The following FTCDNL1 variants were observed in gnomAD, a reference collection of about 807,000 sequenced individuals.
The protein encoded by FTCDNL1 is formiminotransferase cyclodeaminase N-terminal like.
A neutral mutation model predicts 5.9 loss-of-function variants in FTCDNL1; 11 were observed. That is an observed-to-expected ratio of 1.87 (90% CI 1.18 to 3.10). The LOEUF (loss-of-function observed/expected upper bound fraction) is 3.10, where lower values mean the gene tolerates loss of function less well. FTCDNL1 is among the 30% of genes most tolerant of loss of function. The probability of loss-of-function intolerance (pLI) is 0.00; values close to 1 mark genes in which losing one functional copy is unlikely to be tolerated. For missense variants in FTCDNL1, 115 were observed against 65.5 expected, an observed-to-expected ratio of 1.76 and a Z score of -2.61; for synonymous variants, 58 against 24.8, an observed-to-expected ratio of 2.34 and a Z score of -3.99.
chr2:199,743,503 G>A, the FTCDNL1 span, among the ~76,000 whole-genome samples: 8 of 152,178 alleles, frequency 5.3e-5, no homozygotes, highest in Admixed American at 1.3e-4. Flanking sequence ...TTCATTGAAC[G>A]TTTCTGCACT....
intron 3 of FTCDNL1, among the ~76,000 whole-genome samples, chr2:199,791,847 T>C (rs1433940123): frequency 6.6e-6 from 1 of 152,150 alleles, no homozygotes; most frequent in Non-Finnish European, 1.5e-5. Flanking sequence ...CAAATATATG[T>C]ATATGCATAT....
the FTCDNL1 span, among the ~76,000 whole-genome samples, chr2:199,721,992 A>G: frequency 2.0e-5 from 3 of 152,130 alleles, no homozygotes; most frequent in African/African-American, 7.2e-5. Flanking sequence ...TTTCTTATAA[A>G]TATATTTAAG....
intron 3 of FTCDNL1, among the ~76,000 whole-genome samples, chr2:199,835,956 G>A (rs1702706976): frequency 6.6e-6 from 1 of 152,092 alleles, no homozygotes; most frequent in African/African-American, 2.4e-5. Flanking sequence ...TTAACACTGA[G>A]TGTCTTAAGA....
chr2:199,749,542 C>A, the FTCDNL1 span, among the ~76,000 whole-genome samples: 1 of 53,408 alleles, frequency 1.9e-5, no homozygotes, highest in Non-Finnish European at 7.7e-5. Flanking sequence ...CCATCTCCCC[C>A]TAAAAAAAAA....
At chr2:199,721,874 CA>C in the FTCDNL1 span, among the ~76,000 whole-genome samples, 1 of 152,136 alleles carries the variant, frequency 6.6e-6, no homozygotes, top group Non-Finnish European at 1.5e-5. Context: ...CAATATCAAT[CA>C]GTGATATTGA....
the FTCDNL1 span, among the ~76,000 whole-genome samples, chr2:199,721,972 C>A: frequency 3.3e-5 from 5 of 151,904 alleles, no homozygotes; most frequent in Admixed American, 3.3e-4. Context: ...TTAATGGAGT[C>A]ATTTGTCTTT....
the FTCDNL1 span, among the ~76,000 whole-genome samples, chr2:199,690,770 CA>C: frequency 6.6e-6 from 1 of 152,146 alleles, no homozygotes; most frequent in Non-Finnish European, 1.5e-5. Context: ...TGTAGAGGCT[CA>C]AAAAATATGT....
downstream of FTCDNL1, among the ~76,000 whole-genome samples, chr2:199,758,221 T>A (rs1010437943): frequency 6.6e-5 from 10 of 151,042 alleles, no homozygotes; most frequent in Non-Finnish European, 3.0e-5. Context: ...GAAAGAGAAC[T>A]GGAAAAAAAA....
the FTCDNL1 span, among the ~76,000 whole-genome samples, chr2:199,742,594 CTAAG>C: frequency 6.6e-6 from 1 of 152,134 alleles, no homozygotes. Context: ...AGGCTCCATA[CTAAG>C]TGTTTTTTAT....
chr2:199,800,125 GTAACCTAC>G (rs369957851), intron 3 of FTCDNL1, among the ~76,000 whole-genome samples: 34 of 152,306 alleles, frequency 2.2e-4, no homozygotes, highest in African/African-American at 8.2e-4. Context: ...AACGGAGCAT[GTAACCTAC>G]CCTGGTGATC....
the FTCDNL1 span, among the ~76,000 whole-genome samples, chr2:199,677,876 T>C: frequency 6.6e-6 from 1 of 152,204 alleles, no homozygotes; most frequent in African/African-American, 2.4e-5. Flanking sequence ...GAGATGACAG[T>C]ACAATGCTAA....
At chr2:199,718,768 G>A in the FTCDNL1 span, among the ~76,000 whole-genome samples, 66 of 152,154 alleles carry the variant, frequency 4.3e-4, no homozygotes, top group African/African-American at 1.4e-3. Context: ...ACGCTATCTC[G>A]TTGTGATTTC....
chr2:199,757,431 G>A (rs888130309), downstream of FTCDNL1, among the ~76,000 whole-genome samples: 3 of 152,180 alleles, frequency 2.0e-5, no homozygotes, highest in Admixed American at 6.5e-5. Context: ...TAATGATGGC[G>A]TGTAAGCAGA....
chr2:199,835,650 C>G (rs865778357), intron 3 of FTCDNL1, among the ~76,000 whole-genome samples: 3 of 152,022 alleles, frequency 2.0e-5, no homozygotes, highest in Non-Finnish European at 4.4e-5. Context: ...CTGGAAGCCA[C>G]TATAAAAGCT....
chr2:199,801,824 G>C lies in FTCDNL1; in HGVS notation c.212-40989C>G, dbSNP rs976052816. On this transcript the variant is annotated intron_variant, in intron 3 of 3. Coordinates refer to the FTCDNL1 transcript ENST00000416668. ...GTAGCGCCGGGTGCCTGTAGTCCCAGCTATTCAGGAGGCTGAGGCAGGAGA... is the reference window on the plus strand; with the variant it reads ...GTAGCGCCGGGTGCCTGTAGTCCCACCTATTCAGGAGGCTGAGGCAGGAGA... Among the ~76,000 whole-genome samples, 3 of 150,950 alleles carry C rather than the reference G, an allele frequency of 2.0e-5. No individual in the cohort carries two copies. In the East Asian group the frequency reaches 5.9e-4, roughly 30 times the overall value.
At chr2:199,702,814 T>A in the FTCDNL1 span, among the ~76,000 whole-genome samples, 3 of 151,890 alleles carry the variant, frequency 2.0e-5, no homozygotes, top group African/African-American at 7.3e-5. Flanking sequence ...GTGGTGACAT[T>A]TAAGGAGAAA....
chr2:199,787,329 C>A (rs1699707943), intron 3 of FTCDNL1, among the ~76,000 whole-genome samples: 1 of 151,974 alleles, frequency 6.6e-6, no homozygotes, highest in Non-Finnish European at 1.5e-5. Context: ...ATAACAGGCG[C>A]ACACTACCAC....
In FTCDNL1 at chr2:199,812,574, T is replaced by C. The variant is rs977397790; in HGVS notation, c.*131A>G. ...TTGCTCTAAAATTAGAAACCTGATG[T>C]GAAAGTTTGTTTCTCAGTTTGCAGT... On this transcript the variant is annotated 3_prime_UTR_variant, in exon 5 of 5. Coordinates refer to ENST00000420128, the MANE Select transcript of FTCDNL1 (RefSeq NM_001363886.2). The C allele has an allele frequency of 4.2e-6, 2 of 477,518 alleles. No individual in the cohort carries two copies. Among genetic ancestry groups the C allele is most frequent in the Admixed American group, 4.0e-5 (1 of 25,010 alleles). 29.6% of individuals were successfully genotyped at this position (477,518 alleles called of 1,614,324 possible).
At chr2:199,701,013 T>C in the FTCDNL1 span, among the ~76,000 whole-genome samples, 277 of 152,144 alleles carry the variant, frequency 1.8e-3, 2 homozygotes, top group African/African-American at 6.4e-3. Context: ...TGATTTTCAA[T>C]GTGAAAATAA....
Sources: gnomAD v4.1 joint callset for allele counts (sites outside exome capture counted in the v4.1 genomes callset) on GRCh38, gnomAD v4.1.1 for gene constraint, MANE v1.5 for transcripts, NCBI Gene and HGNC (gene_info 2026-07-23, HGNC 2026-07-21) for gene names.